Variants in RPRD2 observed in about 807,000 individuals in gnomAD.
RPRD2 encodes regulation of nuclear pre-mRNA domain-containing protein 2.
In RPRD2, 12 loss-of-function variants were observed where a neutral mutation model predicts 104.4. The ratio of observed to expected loss-of-function variants is 0.11; its 90% CI spans 0.07 to 0.19. The LOEUF (loss-of-function observed/expected upper bound fraction) is 0.19. RPRD2 is among the 10% of genes least tolerant of loss of function. The pLI is 1.00. For synonymous variants in RPRD2, 714 were observed against 684.9 expected (o/e 1.04, Z -0.66); for missense variants, 1,543 against 1,790.1 (o/e 0.86, Z 2.49).
At chr1:150,407,742 T>C (rs1225667414) in intron 1 of RPRD2, among the ~76,000 whole-genome samples, 3 of 152,184 alleles carry the variant, frequency 2.0e-5, no homozygotes, top group African/African-American at 7.2e-5. Flanking sequence ...AAAGAGAAGA[T>C]GTAGATTCTT....
At chr1:150,410,557 G>T (rs1663820581) in intron 1 of RPRD2, among the ~76,000 whole-genome samples, 1 of 152,122 alleles carries the variant, frequency 6.6e-6, no homozygotes, top group Non-Finnish European at 1.5e-5. Context: ...AACCTTCTGT[G>T]TACTTTCCAC....
Position 150,446,285 on chromosome 1 carries a change from G to A in RPRD2, c.754G>A (p.Glu252Lys). 1 of 1,609,934 alleles carries A rather than the reference G, an allele frequency of 6.2e-7. No homozygotes were observed. Among genetic ancestry groups the A allele is most frequent in the Non-Finnish European group, 8.5e-7 (1 of 1,178,982 alleles). Residue 252 changes from glutamate to lysine, a missense_variant, in exon 7 of 11, where the codon GAA becomes AAA. This residue lies in a region of RPRD2 where 572 missense variants were observed against 787.3 expected (regional missense o/e 0.73). Transcript: ENST00000369068. The stretch of plus-strand genomic sequence containing the variant: ...TGAAGAGGCAAGCTCCAAGCTGGAA[G>A]AATTTGTGAATGGATTAGATAAGCA... ...EFEEASSKLE[E>K]FVNGLDKQVK...
chr1:150,390,094 C>T lies in RPRD2; in HGVS notation c.205+25175C>T, dbSNP rs192351581. Among the ~76,000 whole-genome samples, 8 of 152,214 alleles carry T rather than the reference C, an allele frequency of 5.3e-5. No individual in the cohort carries two copies. In the East Asian group the frequency reaches 1.5e-3, roughly 29 times the overall value. On this transcript the variant is annotated intron_variant, in intron 1 of 10. Transcript: ENST00000369068. ...TAGATAAAATTCAACAAAATATAAG[C>T]TTACAATAAAAGAATTGCCAAACAC...
intron 2 of RPRD2, among the ~76,000 whole-genome samples, chr1:150,419,120 A>G (rs2102281887): frequency 6.6e-6 from 1 of 152,320 alleles, no homozygotes; most frequent in South Asian, 2.1e-4. Context: ...TGGTGTATAT[A>G]CAGTACAAAC....
At chr1:150,446,173 ATTTTT>A in intron 6 of RPRD2, 48 bp from the exon 7 acceptor site, 2 of 1,344,972 alleles carry the variant, frequency 1.5e-6, no homozygotes, top group Non-Finnish European at 9.9e-7. Context: ...AAAAGACTAA[ATTTTT>A]TTATTTTTTA....
chr1:150,433,516 C>T (rs946349604), intron 2 of RPRD2, among the ~76,000 whole-genome samples: 15 of 140,460 alleles, frequency 1.1e-4, no homozygotes, highest in Non-Finnish European at 2.3e-4. Context: ...GCAATCTCAG[C>T]TCACTGCAAG....
chr1:150,460,549 C>T (rs1367017663), intron 9 of RPRD2, among the ~76,000 whole-genome samples: 12 of 151,668 alleles, frequency 7.9e-5, no homozygotes, highest in Non-Finnish European at 1.6e-4. Context: ...ATTACAGGCA[C>T]CTGCTACCAC....
intron 1 of RPRD2, among the ~76,000 whole-genome samples, chr1:150,370,822 C>CAAGGAGGGT (rs1660244480): frequency 6.6e-6 from 1 of 152,096 alleles, no homozygotes; most frequent in Non-Finnish European, 1.5e-5. Flanking sequence ...GCAGCCCACC[C>CAAGGAGGGT]TCCTTGGCTT....
At position 150,471,944 on chromosome 1, in the gene RPRD2, C is replaced by T; in HGVS notation, c.2996C>T (p.Ser999Phe). The T allele has an allele frequency of 6.2e-7, 1 of 1,613,970 alleles. No homozygotes were observed. The change falls in exon 11 of 11, where the codon TCC becomes TTC. Residue 999 changes from serine to phenylalanine, a missense_variant. Physicochemically the swap from Ser to Phe is radical, Grantham distance 155. Coordinates refer to ENST00000369068, the MANE Select transcript of RPRD2 (RefSeq NM_015203.5). This position sits in a 1 kb window ranked among gnomAD's most constrained non-coding sequence, Gnocchi z 5.3. ...PTSGVEKVLA[S>F]TISTTSTIEF... Reference sequence around the variant, plus strand: ...TCAGGCGTGGAGAAAGTCCTGGCCTCCACCATTTCCACCACGTCGACGATT... The same window carrying T: ...TCAGGCGTGGAGAAAGTCCTGGCCTTCACCATTTCCACCACGTCGACGATT...
chr1:150,388,454 A>G (rs9436108), intron 1 of RPRD2, among the ~76,000 whole-genome samples: 48,348 of 148,250 alleles, frequency 0.33, 8,649 homozygotes, highest in Non-Finnish European at 0.4. Flanking sequence ...ACACATATAT[A>G]TGTATATGCA....
At chr1:150,458,070 G>C (rs1026072281) in intron 8 of RPRD2, among the ~76,000 whole-genome samples, 8 of 152,004 alleles carry the variant, frequency 5.3e-5, no homozygotes, top group East Asian at 3.9e-4. Flanking sequence ...CTCCGTCTTG[G>C]GGGGACGGTC....
chr1:150,430,842 C>A (rs1198365793), intron 2 of RPRD2, among the ~76,000 whole-genome samples: 1 of 151,804 alleles, frequency 6.6e-6, no homozygotes, highest in Non-Finnish European at 1.5e-5. Context: ...GCGGGAAAAT[C>A]GCTTGAACCG....
chr1:150,455,326 A>G (rs1667450857), intron 7 of RPRD2, among the ~76,000 whole-genome samples: 1 of 152,052 alleles, frequency 6.6e-6, no homozygotes. Flanking sequence ...ACATGGTGAA[A>G]CCCCGTCTCT....
At chr1:150,365,376 A>G (rs1659756162) in intron 1 of RPRD2, among the ~76,000 whole-genome samples, 1 of 152,130 alleles carries the variant, frequency 6.6e-6, no homozygotes, top group South Asian at 2.1e-4. Flanking sequence ...GTCTGGATGA[A>G]TGTATCTAAA....
chr1:150,437,190 G>C (rs1223812294), intron 2 of RPRD2, among the ~76,000 whole-genome samples: 1 of 151,868 alleles, frequency 6.6e-6, no homozygotes, highest in African/African-American at 2.4e-5. Context: ...GATTCATAGG[G>C]AGAGGTCAAA....
At chr1:150,446,833 C>CT (rs782290005) in intron 7 of RPRD2, among the ~76,000 whole-genome samples, 39,724 of 127,274 alleles carry the variant, frequency 0.31, 6,758 homozygotes, top group Non-Finnish European at 0.37. Context: ...AGACCTGGGT[C>CT]TTTTTTTTTT....
At chr1:150,461,709 G>A (rs782063754) in intron 9 of RPRD2, among the ~76,000 whole-genome samples, 2 of 152,180 alleles carry the variant, frequency 1.3e-5, no homozygotes, top group African/African-American at 4.8e-5. Flanking sequence ...GGCCGAGCGT[G>A]GTGGCTCACA....
intron 1 of RPRD2, among the ~76,000 whole-genome samples, chr1:150,384,447 C>CATTATTATT (rs1285755889): frequency 1.0e-5 from 1 of 97,852 alleles, no homozygotes; most frequent in African/African-American, 3.5e-5. Flanking sequence ...AAGGCATCAT[C>CATTATTATT]ATCATTATTA....
At chr1:150,415,437 A>G (rs1490464550) in intron 1 of RPRD2, among the ~76,000 whole-genome samples, 2 of 151,986 alleles carry the variant, frequency 1.3e-5, no homozygotes, top group East Asian at 1.9e-4. Flanking sequence ...AATCCCAGCA[A>G]TTTGGGAGGC....
Sources: allele counts gnomAD v4.1 joint callset (sites outside exome capture counted in the v4.1 genomes callset), GRCh38; gene constraint gnomAD v4.1.1; regional missense constraint gnomAD v4.1.1; non-coding constraint Gnocchi (gnomAD v3.1); transcripts MANE v1.5; gene names NCBI Gene and HGNC (gene_info 2026-07-23, HGNC 2026-07-21).